Variants in ELP4 observed in about 807,000 individuals in gnomAD.
The protein encoded by ELP4 is elongator acetyltransferase complex subunit 4.
In ELP4, 51 loss-of-function variants were observed where a neutral mutation model predicts 48.9. The ratio of observed to expected loss-of-function variants is 1.04; its 90% CI spans 0.83 to 1.32. ELP4 has a LOEUF of 1.32. Among genes scored for constraint, ELP4 ranks in the 40% most tolerant of loss-of-function variants. The pLI is 0.00. For synonymous variants in ELP4, 210 were observed against 189.2 expected, an observed-to-expected ratio of 1.11 and a Z score of -0.90; for missense variants, 519 against 514.6, an observed-to-expected ratio of 1.01 and a Z score of -0.08.
intron 1 of ELP4, among the ~76,000 whole-genome samples, chr11:31,518,978 AT>A (rs939743147): frequency 2.0e-5 from 3 of 150,382 alleles, no homozygotes; most frequent in Non-Finnish European, 4.4e-5. Context: ...CATGCAGATT[AT>A]TTTTTTTGTA....
Position 31,509,936 on chromosome 11 carries a change from G to A in ELP4, c.152G>A (p.Gly51Asp), listed in dbSNP as rs774912815. 1.9e-6 allele frequency: 3 copies of A among 1,613,684 alleles called. No individual in the cohort carries two copies. The highest frequency in any genetic ancestry group is 1.1e-5 in the South Asian group (1 of 91,068). The change falls in exon 1 of 10, where the codon GGC (glycine) becomes GAC (aspartate). Residue 51 changes from glycine (G) to aspartate (D), a missense_variant. By Grantham distance (94) the Gly-to-Asp change is moderately conservative. Coordinates refer to ENST00000640961, the MANE Select transcript of ELP4 (RefSeq NM_019040.5). ...GGCCCTCGACTGGTGTCCATTGCGGGCACGCGACCGTCGGTGCGGAATGGA... is the reference window on the plus strand; with the variant it reads ...GGCCCTCGACTGGTGTCCATTGCGGACACGCGACCGTCGGTGCGGAATGGA... The part of the protein sequence containing the change: ...DSGPRLVSIA[G>D]TRPSVRNGQL...
chr11:31,642,568 C>T (rs1388622852), intron 7 of ELP4, among the ~76,000 whole-genome samples: 1 of 151,626 alleles, frequency 6.6e-6, no homozygotes, highest in Non-Finnish European at 1.5e-5. Flanking sequence ...TTACAGTTTT[C>T]CTATGTGAAT....
intron 9 of ELP4, among the ~76,000 whole-genome samples, chr11:31,772,938 A>T (rs368677898): frequency 6.6e-6 from 1 of 152,190 alleles, no homozygotes; most frequent in Admixed American, 6.5e-5. Context: ...TGTAGCACCC[A>T]CTTCTCTCTG....
In ELP4 at chr11:31,789,518, A is replaced by G; in HGVS notation, c.*5994A>G. ...ATGAACAGATGGGTAGAAGTATTCG[A>G]TATATCTTGATAAAACTCTTAAATT... On this transcript the variant is annotated 3_prime_UTR_variant, in exon 10 of 10. Coordinates refer to ENST00000640961, the MANE Select transcript of ELP4 (RefSeq NM_019040.5). 1.7e-6 allele frequency: 1 copy of G among 595,316 alleles called. No homozygotes were observed. 36.9% of individuals were successfully genotyped at this position (595,316 alleles called of 1,614,324 possible).
chr11:31,739,683 G>A (rs1947404050), intron 9 of ELP4, among the ~76,000 whole-genome samples: 3 of 152,056 alleles, frequency 2.0e-5, no homozygotes. Flanking sequence ...AAAAGACCAA[G>A]TTTAAAATAC....
chr11:31,740,217 G>GT (rs1157419222), intron 9 of ELP4, among the ~76,000 whole-genome samples: 1 of 152,108 alleles, frequency 6.6e-6, no homozygotes, highest in Admixed American at 6.5e-5. Flanking sequence ...AGGGAAAAGG[G>GT]TTTTTTTCTC....
chr11:31,706,597 T>C (rs1028427698), intron 9 of ELP4, among the ~76,000 whole-genome samples: 1 of 148,080 alleles, frequency 6.8e-6, no homozygotes, highest in African/African-American at 2.4e-5. Context: ...ATATTTAATT[T>C]AATTAATTTT....
At chr11:31,721,857 C>T (rs1285492148) in intron 9 of ELP4, among the ~76,000 whole-genome samples, 1 of 152,142 alleles carries the variant, frequency 6.6e-6, no homozygotes, top group Non-Finnish European at 1.5e-5. Flanking sequence ...ATCTTACCAT[C>T]TTTATAATTT....
intron 9 of ELP4, among the ~76,000 whole-genome samples, chr11:31,665,694 A>T (rs1945658319): frequency 8.7e-6 from 1 of 114,750 alleles, no homozygotes; most frequent in African/African-American, 3.4e-5. Context: ...ATTCTGTGTC[A>T]CCCAGGCTGG....
At chr11:31,511,684 G>C (rs559530224) in intron 1 of ELP4, 3 of 152,090 alleles carry the variant, frequency 2.0e-5, no homozygotes, top group African/African-American at 7.2e-5. Flanking sequence ...AAATTTTTAC[G>C]TATTCTTTCC....
At position 31,650,096 on chromosome 11, in the gene ELP4, T is replaced by G. The variant is rs1226273653; in HGVS notation, c.1037-19T>G. The G allele has an allele frequency of 1.9e-6, 2 of 1,071,220 alleles. No individual in the cohort carries two copies. 66.4% of individuals were successfully genotyped at this position (1,071,220 alleles called of 1,614,324 possible). On this transcript the variant is annotated intron_variant, in intron 8 of 9. Transcript: ENST00000640961. Reference sequence around the variant, plus strand: ...GACAATGTTTTAAATTTTTTTTCTTTTAATTTCTTTTCCACAAGGATTGAT... The same window carrying G: ...GACAATGTTTTAAATTTTTTTTCTTGTAATTTCTTTTCCACAAGGATTGAT...
chr11:31,623,352 C>CAA (rs1944661167), intron 5 of ELP4, among the ~76,000 whole-genome samples: 1 of 15,850 alleles, frequency 6.3e-5, no homozygotes, highest in Non-Finnish European at 1.4e-4. Flanking sequence ...TTATTTTCAG[C>CAA]AAATATATAT....
At chr11:31,730,233 A>G (rs1237286303) in intron 9 of ELP4, among the ~76,000 whole-genome samples, 1 of 152,160 alleles carries the variant, frequency 6.6e-6, no homozygotes, top group Non-Finnish European at 1.5e-5. Context: ...TATAAACAAT[A>G]GACATTTATT....
intron 9 of ELP4, among the ~76,000 whole-genome samples, chr11:31,659,975 G>T (rs1363315910): frequency 6.6e-6 from 1 of 152,088 alleles, no homozygotes; most frequent in Non-Finnish European, 1.5e-5. Context: ...CTGGGCAACA[G>T]TGCGAGACTC....
At position 31,571,049 on chromosome 11, in the gene ELP4, C is replaced by T. The variant is rs925213823; in HGVS notation, c.382-23721C>T. Among the ~76,000 whole-genome samples, 6 of 152,102 alleles carry T rather than the reference C, an allele frequency of 3.9e-5. No individual in the cohort carries two copies. The South Asian group carries it at 6.2e-4, about 16-fold the overall frequency. ...TCCTGACCTCATGTTCTACCTGTCT[C>T]GGCCTCCCAAAGTGCTGGGATTTCA... On this transcript the variant is annotated intron_variant, in intron 3 of 9. Coordinates refer to ENST00000640961, the MANE Select transcript of ELP4 (RefSeq NM_019040.5).
intron 3 of ELP4, among the ~76,000 whole-genome samples, chr11:31,553,829 G>GC (rs1408590682): frequency 6.6e-6 from 1 of 151,638 alleles, no homozygotes; most frequent in Non-Finnish European, 1.5e-5. Flanking sequence ...TAAAGCAGGG[G>GC]CCCCCAACCC....
chr11:31,754,546 A>G (rs1947794248), intron 9 of ELP4, among the ~76,000 whole-genome samples: 1 of 152,058 alleles, frequency 6.6e-6, no homozygotes, highest in Non-Finnish European at 1.5e-5. Context: ...CTTCTCAGAA[A>G]GGCTTTCCCT....
intron 7 of ELP4, among the ~76,000 whole-genome samples, chr11:31,640,497 A>C (rs1255809254): frequency 6.6e-6 from 1 of 151,878 alleles, no homozygotes; most frequent in Non-Finnish European, 1.5e-5. Context: ...TCCTAGTGTT[A>C]TGTTTTATCC....
chr11:31,542,176 A>AT (rs1387078895), intron 3 of ELP4, among the ~76,000 whole-genome samples: 1 of 152,196 alleles, frequency 6.6e-6, no homozygotes, highest in Non-Finnish European at 1.5e-5. Flanking sequence ...CAAAACAAAG[A>AT]AGGCAAACCC....
Sources: allele counts gnomAD v4.1 joint callset (sites outside exome capture counted in the v4.1 genomes callset), GRCh38; gene constraint gnomAD v4.1.1; transcripts MANE v1.5; gene names NCBI Gene and HGNC (gene_info 2026-07-23, HGNC 2026-07-21).